The following MSRA variants were observed in gnomAD, a reference collection of about 807,000 sequenced individuals.
MSRA encodes the protein methionine sulfoxide reductase A.
MSRA carries 54 observed loss-of-function variants against 31.3 expected under a neutral mutation model. That is an observed-to-expected ratio of 1.73 (90% confidence interval 1.39 to 2.17). MSRA has a LOEUF of 2.17. MSRA is among the 30% of genes most tolerant of loss of function. MSRA has a pLI of 0.00. For synonymous variants in MSRA, 169 were observed against 116.5 expected, an observed-to-expected ratio of 1.45 and a Z score of -2.90; for missense variants, 507 against 300.9, an observed-to-expected ratio of 1.69 and a Z score of -5.07.
At chr8:10,323,745 CGTGTGTGTGT>C (rs10643873) in intron 5 of MSRA, among the ~76,000 whole-genome samples, 4 of 142,618 alleles carry the variant, frequency 2.8e-5, no homozygotes, top group Admixed American at 7.1e-5. Context: ...GAATTAAATA[CGTGTGTGTGT>C]GTGTGTGTGT....
chr8:10,346,457 A>G (rs1401808226), intron 5 of MSRA, among the ~76,000 whole-genome samples: 1 of 152,212 alleles, frequency 6.6e-6, no homozygotes, highest in Non-Finnish European at 1.5e-5. Context: ...TAGCCTTCAT[A>G]ACTCACATGC....
At chr8:10,249,343 G>A (rs1260820909) in intron 3 of MSRA, among the ~76,000 whole-genome samples, 6 of 152,150 alleles carry the variant, frequency 3.9e-5, no homozygotes, top group African/African-American at 1.2e-4. Context: ...TCTCCAAATT[G>A]AGTTAACCTC....
chr8:10,070,953 A>G (rs771597904), intron 1 of MSRA, among the ~76,000 whole-genome samples: 2 of 152,224 alleles, frequency 1.3e-5, no homozygotes, highest in Admixed American at 6.5e-5. Context: ...TGAAGCTGCT[A>G]TGAACATTCA....
intron 3 of MSRA, among the ~76,000 whole-genome samples, chr8:10,300,898 A>G (rs1215836886): frequency 1.3e-5 from 2 of 152,156 alleles, no homozygotes; most frequent in Non-Finnish European, 2.9e-5. Flanking sequence ...AGGCCTACTT[A>G]CAGAGGATCC....
At chr8:10,122,007 G>C (rs934149155) in intron 1 of MSRA, among the ~76,000 whole-genome samples, 6 of 152,052 alleles carry the variant, frequency 3.9e-5, no homozygotes, top group Non-Finnish European at 8.8e-5. Flanking sequence ...AAAACATGGG[G>C]TTGTGCCTTT....
At chr8:10,425,197 C>G (rs558453537) in intron 5 of MSRA, among the ~76,000 whole-genome samples, 34 of 152,304 alleles carry the variant, frequency 2.2e-4, no homozygotes, top group African/African-American at 7.2e-4. Context: ...AGATTGACGC[C>G]ACGCTCATCG....
At chr8:10,165,880 T>A (rs1417694327) in intron 1 of MSRA, among the ~76,000 whole-genome samples, 1 of 152,104 alleles carries the variant, frequency 6.6e-6, no homozygotes, top group East Asian at 1.9e-4. Flanking sequence ...CTGTGAGCAG[T>A]TACCTTATCA....
chr8:10,175,789 A>C (rs1257106751), intron 1 of MSRA, among the ~76,000 whole-genome samples: 2 of 152,208 alleles, frequency 1.3e-5, no homozygotes, highest in East Asian at 3.9e-4. Flanking sequence ...TGTGATGCCA[A>C]GGGGGCATTT....
chr8:10,384,727 G>T (rs556441658), intron 5 of MSRA, among the ~76,000 whole-genome samples: 1 of 152,268 alleles, frequency 6.6e-6, no homozygotes, highest in East Asian at 1.9e-4. Context: ...AAATAAAATG[G>T]CCAGGCATGG....
chr8:10,111,860 C>G (rs1800314635), intron 1 of MSRA, among the ~76,000 whole-genome samples: 1 of 152,154 alleles, frequency 6.6e-6, no homozygotes, highest in Non-Finnish European at 1.5e-5. Context: ...CCCTGTGAGG[C>G]TTACATTCTG....
chr8:10,382,297 A>G (rs35840352), intron 5 of MSRA, among the ~76,000 whole-genome samples: 46,415 of 152,124 alleles, frequency 0.31, 7,804 homozygotes, highest in Non-Finnish European at 0.38. Flanking sequence ...CTGCCCTCAG[A>G]TACCCTCCTG....
At chr8:10,245,899 C>T (rs947373030) in intron 3 of MSRA, among the ~76,000 whole-genome samples, 17 of 152,298 alleles carry the variant, frequency 1.1e-4, no homozygotes, top group Middle Eastern at 3.4e-3. Context: ...TATCAAGAAT[C>T]GGGACCATTA....
chr8:10,320,234 C>A (rs532617521), intron 5 of MSRA: 2 of 290,690 alleles, frequency 6.9e-6, no homozygotes, highest in Non-Finnish European at 1.3e-5. Context: ...TTTGGGGGGC[C>A]GAAGCAGAAG....
chr8:10,290,867 CA>C (rs1275019905), intron 3 of MSRA, among the ~76,000 whole-genome samples: 1 of 152,192 alleles, frequency 6.6e-6, no homozygotes, highest in East Asian at 1.9e-4. Context: ...CCCTGCTTGA[CA>C]GATTGGTTTT....
intron 1 of MSRA, among the ~76,000 whole-genome samples, chr8:10,206,220 T>C (rs1158811711): frequency 6.6e-6 from 1 of 152,176 alleles, no homozygotes; most frequent in Non-Finnish European, 1.5e-5. Context: ...GCATGTTTAT[T>C]TGAATTCAGT....
At chr8:10,282,113 T>C (rs1437712552) in intron 3 of MSRA, among the ~76,000 whole-genome samples, 2 of 152,202 alleles carry the variant, frequency 1.3e-5, no homozygotes, top group African/African-American at 4.8e-5. Flanking sequence ...ATTTGTCCTT[T>C]CTAATGAATA....
chr8:10,082,544 A>G (rs1165677279), intron 1 of MSRA, among the ~76,000 whole-genome samples: 1 of 152,196 alleles, frequency 6.6e-6, no homozygotes, highest in Non-Finnish European at 1.5e-5. Context: ...ACATCCGTGC[A>G]CTAAGGGTCT....
chr8:10,281,582 G>T (rs971826107), intron 3 of MSRA, among the ~76,000 whole-genome samples: 3 of 152,200 alleles, frequency 2.0e-5, no homozygotes, highest in Non-Finnish European at 4.4e-5. Flanking sequence ...CCAGTACACC[G>T]CATATAACAC....
At chr8:10,245,295 G>C (rs1797565492) in intron 3 of MSRA, 72 bp downstream of exon 3, 1 of 1,391,110 alleles carries the variant, frequency 7.2e-7, no homozygotes, top group Non-Finnish European at 9.9e-7. Flanking sequence ...TGGGTGACAG[G>C]CTCTTTAAAA....
Sources: allele counts gnomAD v4.1 joint callset (sites outside exome capture counted in the v4.1 genomes callset), GRCh38; gene constraint gnomAD v4.1.1; transcripts MANE v1.5; gene names NCBI Gene and HGNC (gene_info 2026-07-23, HGNC 2026-07-21).